CIAO2B: variants seen among roughly 807,000 people sequenced by gnomAD.
CIAO2B encodes MSS19-interacting protein of 18 kDa.
Under a neutral mutation model 16.4 loss-of-function variants are expected in CIAO2B, and 20 were observed. That is an observed-to-expected ratio of 1.22 (90% CI 0.86 to 1.77). The LOEUF is 1.77. CIAO2B is among the 40% of genes most tolerant of loss of function. CIAO2B has a pLI of 0.00. For synonymous variants in CIAO2B, 106 were observed against 90.4 expected, an observed-to-expected ratio of 1.17 and a Z score of -0.98; for missense variants, 215 against 222.4, an observed-to-expected ratio of 0.97 and a Z score of 0.21.
chr16:66,932,830 G>A lies in CIAO2B; in HGVS notation c.349-5C>T, dbSNP rs752369760. The A allele has an allele frequency of 6.2e-7, 1 of 1,611,714 alleles. No individual in the cohort carries two copies. The highest frequency in any genetic ancestry group is 1.7e-5 in the Admixed American group (1 of 59,714). ...CGGAGTAATGTGCACGTCCATCTGG[G>A]AGGGAGATAACCAGGGCCTGAACAC... is the stretch of plus-strand genomic sequence containing the variant. On this transcript the variant is annotated splice_region_variant and splice_polypyrimidine_tract_variant and intron_variant, in intron 3 of 4. Transcript: ENST00000422424.
At chr16:66,933,143 C>T (rs1320001877) in intron 3 of CIAO2B, among the ~76,000 whole-genome samples, 1 of 152,152 alleles carries the variant, frequency 6.6e-6, no homozygotes, top group Admixed American at 6.5e-5. Context: ...CACACACCAC[C>T]ACGCCCCACT....
intron 4 of CIAO2B, chr16:66,932,559 T>C (rs909298586): frequency 2.1e-5 from 15 of 727,546 alleles, no homozygotes; most frequent in East Asian, 1.3e-4. Flanking sequence ...TCCTGTATAT[T>C]TGGTGAGAGG....
chr16:66,932,456 G>A (rs1252735424), intron 4 of CIAO2B, 156 bp from the exon 5 acceptor site: 1 of 744,026 alleles, frequency 1.3e-6, no homozygotes, highest in Admixed American at 2.0e-5. Context: ...ATATTGATCA[G>A]GCTACTTCAA....
rs763043917 is a variant in CIAO2B at position 66,934,399 on chromosome 16, C to A, written c.-35G>T. ...ACCACCGCTGATCCTAGCAGGCGTG[C>A]GCTTCCGCTCCAACCCGCGCACTTC... On this transcript the variant is annotated 5_prime_UTR_variant, in exon 1 of 5. Coordinates refer to ENST00000422424, the MANE Select transcript of CIAO2B (RefSeq NM_016062.4). The surrounding 1 kb of genome is among the most constrained non-coding windows in gnomAD (Gnocchi z 4.1). The A allele has an allele frequency of 1.4e-6, 2 of 1,477,896 alleles. No individual in the cohort carries two copies. The highest frequency in any genetic ancestry group is 1.8e-6 in the Non-Finnish European group (2 of 1,118,998). 91.5% of individuals were successfully genotyped at this position (1,477,896 alleles called of 1,614,324 possible). A position where few individuals can be genotyped will look rare whatever the true frequency, so the allele number is the denominator to read the frequency against.
At chr16:66,932,894 C>A in intron 3 of CIAO2B, 69 bp from the exon 4 acceptor site, 1 of 1,528,004 alleles carries the variant, frequency 6.5e-7, no homozygotes, top group Non-Finnish European at 9.0e-7. Context: ...AGCCCCCAGA[C>A]CCTCAGGCAC....
chr16:66,932,516 C>T (rs1408647357), intron 4 of CIAO2B: 1 of 717,168 alleles, frequency 1.4e-6, no homozygotes. Context: ...CCCCTGGCTG[C>T]CTCCTGCGCT....
At chr16:66,933,373 A>G (rs1963099810) in intron 3 of CIAO2B, 2 of 542,908 alleles carry the variant, frequency 3.7e-6, no homozygotes, top group East Asian at 6.9e-5. Context: ...GTCCAAACCC[A>G]TCTGCCGCTC....
At position 66,934,387 on chromosome 16, in the gene CIAO2B, C is replaced by G. The variant is rs1439901871; in HGVS notation, c.-23G>C. The G allele has an allele frequency of 2.0e-6, 3 of 1,505,330 alleles. No homozygotes were observed. The highest frequency in any genetic ancestry group is 2.6e-6 in the Non-Finnish European group (3 of 1,132,512). The allele number at this position is 1,505,330 out of a possible 1,614,324, so 93.2% of individuals were successfully genotyped here. A position where few individuals can be genotyped will look rare whatever the true frequency, so the allele number is the denominator to read the frequency against. On this transcript the variant is annotated 5_prime_UTR_variant, in exon 1 of 5. Transcript: ENST00000422424. The surrounding 1 kb of genome is among the most constrained non-coding windows in gnomAD (Gnocchi z 4.1). ...CATCGCGGAACCACCACCGCTGATC[C>G]TAGCAGGCGTGCGCTTCCGCTCCAA...
At position 66,934,188 on chromosome 16, in the gene CIAO2B, C is replaced by T. The variant is rs1963133824; in HGVS notation, c.142+35G>A. 1.2e-6 allele frequency: 2 copies of T among 1,608,678 alleles called. No individual in the cohort carries two copies. The highest frequency in any genetic ancestry group is 1.7e-6 in the Non-Finnish European group (2 of 1,177,668). On this transcript the variant is annotated intron_variant, in intron 1 of 4. Transcript: ENST00000422424. This position sits in a 1 kb window ranked among gnomAD's most constrained non-coding sequence, Gnocchi z 4.1. ...ATCACTGCTCCCCCCACCGCAAGCC[C>T]CCGGAACCCGCCCGCGCCCAGCAGC...
At chr16:66,932,714 A>G in intron 4 of CIAO2B, 66 bp downstream of exon 4, 2 of 1,548,962 alleles carry the variant, frequency 1.3e-6, no homozygotes, top group Non-Finnish European at 1.8e-6. Flanking sequence ...CTCCTGTGCA[A>G]GGGGGAAGCC....
chr16:66,934,187 C>T lies in CIAO2B; in HGVS notation c.142+36G>A. 3.7e-6 allele frequency: 6 copies of T among 1,608,644 alleles called. No individual in the cohort carries two copies. The highest frequency in any genetic ancestry group is 4.2e-6 in the Non-Finnish European group (5 of 1,177,552). The stretch of plus-strand genomic sequence containing the variant: ...TATCACTGCTCCCCCCACCGCAAGC[C>T]CCCGGAACCCGCCCGCGCCCAGCAG... On this transcript the variant is annotated intron_variant, in intron 1 of 4. Coordinates refer to ENST00000422424, the MANE Select transcript of CIAO2B (RefSeq NM_016062.4). This position sits in a 1 kb window ranked among gnomAD's most constrained non-coding sequence, Gnocchi z 4.1.
In CIAO2B at chr16:66,934,248, G is replaced by C; in HGVS notation, c.117C>G (p.Asp39Glu). Residue 39 changes from aspartate to glutamate, a missense_variant, in exon 1 of 5, where the codon GAC (aspartate) becomes GAG (glutamate). Coordinates refer to ENST00000422424, the MANE Select transcript of CIAO2B (RefSeq NM_016062.4). The surrounding 1 kb of genome is among the most constrained non-coding windows in gnomAD (Gnocchi z 4.1). ...TAGEEDEQVPDSIDAREIFDL... is the reference protein window; with the variant it reads ...TAGEEDEQVPESIDAREIFDL... ...CGAAGATCTCGCGTGCGTCGATGCT[G>C]TCGGGAACCTGCTCGTCCTCCTCGC... The C allele has an allele frequency of 6.2e-7, 1 of 1,609,948 alleles. No homozygotes were observed. Among genetic ancestry groups the C allele is most frequent in the Non-Finnish European group, 8.5e-7 (1 of 1,179,582 alleles).
rs778342526 is a variant in CIAO2B at position 66,934,174 on chromosome 16, C to T, written c.142+49G>A. 4.3e-6 allele frequency: 7 copies of T among 1,609,332 alleles called. No homozygotes were observed. The highest frequency in any genetic ancestry group is 3.3e-5 in the South Asian group (3 of 90,830). ...ACCAGCTGCTCGATATCACTGCTCC[C>T]CCCACCGCAAGCCCCCGGAACCCGC... is the stretch of plus-strand genomic sequence containing the variant. On this transcript the variant is annotated intron_variant, in intron 1 of 4. Transcript: ENST00000422424. This position sits in a 1 kb window ranked among gnomAD's most constrained non-coding sequence, Gnocchi z 4.1.
chr16:66,932,171 C>A lies in CIAO2B; in HGVS notation c.*32G>T. ...CTGGCAGGAGCTGGGACCAGGATAC[C>A]AGTATGCAGGCTGAGGGGTCAAAGG... On this transcript the variant is annotated 3_prime_UTR_variant, in exon 5 of 5. Transcript: ENST00000422424. 3 of 1,544,918 alleles carry A rather than the reference C, an allele frequency of 1.9e-6. No homozygotes were observed. Among genetic ancestry groups the A allele is most frequent in the Non-Finnish European group, 2.7e-6 (3 of 1,122,432 alleles).
At chr16:66,932,544 T>C (rs1963074438) in intron 4 of CIAO2B, 1 of 721,452 alleles carries the variant, frequency 1.4e-6, no homozygotes, top group Non-Finnish European at 2.5e-6. Context: ...CCTGACACAC[T>C]CTGGTCCTGT....
intron 4 of CIAO2B, 47 bp from the exon 5 acceptor site, chr16:66,932,347 C>A (rs1288201604): frequency 1.3e-6 from 2 of 1,520,156 alleles, no homozygotes; most frequent in South Asian, 2.3e-5. Flanking sequence ...AAGCTAGGCT[C>A]TGGCCAGAGT....
rs1189145133 is a variant in CIAO2B, at chr16:66,932,157, T to C, written c.*46A>G. On this transcript the variant is annotated 3_prime_UTR_variant, in exon 5 of 5. Transcript: ENST00000422424. ...CAACGGTAACAGCCCTGGCAGGAGC[T>C]GGGACCAGGATACCAGTATGCAGGC... The C allele has an allele frequency of 6.9e-7, 1 of 1,443,438 alleles. No individual in the cohort carries two copies. The highest frequency in any genetic ancestry group is 9.6e-7 in the Non-Finnish European group (1 of 1,042,668). The allele number at this position is 1,443,438 out of a possible 1,614,324, so 89.4% of individuals were successfully genotyped here.
At position 66,932,791 on chromosome 16, in the gene CIAO2B, G is replaced by C; in HGVS notation, c.383C>G (p.Ser128Ter). 6.2e-7 allele frequency: 1 copy of C among 1,611,588 alleles called. No homozygotes were observed. Among genetic ancestry groups the C allele is most frequent in the Non-Finnish European group, 8.5e-7 (1 of 1,178,920 alleles). Residue 128 changes from serine (S) to a stop codon, truncating the protein, a stop_gained, in exon 4 of 5, where the codon TCA (serine) becomes TGA (stop). Coordinates refer to ENST00000422424, the MANE Select transcript of CIAO2B (RefSeq NM_016062.4). LOFTEE classifies it high-confidence loss of function. Reference protein sequence around the residue: ...DVHITPGTHASEHAVNKQLAD... With the variant: ...DVHITPGTHA Reference sequence around the variant, plus strand: ...CAGTCCACACTTACCTGCATGCTCTGAGGCATGGGTCCCCGGAGTAATGTG... The same window carrying C: ...CAGTCCACACTTACCTGCATGCTCTCAGGCATGGGTCCCCGGAGTAATGTG...
intron 4 of CIAO2B, 41 bp downstream of exon 4, chr16:66,932,739 G>A (rs779583276): frequency 1.5e-5 from 24 of 1,589,612 alleles, no homozygotes; most frequent in Non-Finnish European, 2.0e-5. Context: ...ACTGCTTAGG[G>A]GGTGCCCGGG....
Sources: allele counts gnomAD v4.1 joint callset (sites outside exome capture counted in the v4.1 genomes callset), GRCh38; gene constraint gnomAD v4.1.1; non-coding constraint Gnocchi (gnomAD v3.1); transcripts MANE v1.5; gene names NCBI Gene and HGNC (gene_info 2026-07-23, HGNC 2026-07-21).